The following AUTS2 variants were observed in gnomAD, a reference collection of about 807,000 sequenced individuals.
The protein encoded by AUTS2 is autism susceptibility gene 2 protein.
AUTS2 carries 17 observed loss-of-function variants against 112.4 expected under a neutral mutation model. The observed-to-expected ratio is 0.15, with a 90% CI of 0.10 to 0.23. The LOEUF (loss-of-function observed/expected upper bound fraction) is 0.23, where lower values mean the gene tolerates loss of function less well. Among genes scored for constraint, AUTS2 ranks in the 10% least tolerant of loss-of-function variants. The pLI, the probability that AUTS2 is intolerant of heterozygous loss-of-function variation, is 1.00. For missense variants in AUTS2, 1,510 were observed against 1,701.6 expected, an observed-to-expected ratio of 0.89 and a Z score of 1.98; for synonymous variants, 751 against 702.7, an observed-to-expected ratio of 1.07 and a Z score of -1.09.
At chr7:70,148,923 T>C (rs892866951) in intron 4 of AUTS2, among the ~76,000 whole-genome samples, 2 of 152,098 alleles carry the variant, frequency 1.3e-5, no homozygotes, top group African/African-American at 4.8e-5. Context: ...AATGAGCTCA[T>C]AGAAACTATG....
At chr7:70,192,426 C>T (rs1584860380) in intron 4 of AUTS2, among the ~76,000 whole-genome samples, 3 of 152,134 alleles carry the variant, frequency 2.0e-5, no homozygotes, top group Admixed American at 1.3e-4. Flanking sequence ...GAAAGTTTTA[C>T]GGTTTTCCTT....
chr7:70,575,607 C>T (rs1194578899), intron 5 of AUTS2, among the ~76,000 whole-genome samples: 2 of 152,188 alleles, frequency 1.3e-5, no homozygotes, highest in African/African-American at 4.8e-5. Flanking sequence ...CATTCACATG[C>T]ATTCTTTTTG....
chr7:69,708,554 T>C (rs1798167738), intron 1 of AUTS2, among the ~76,000 whole-genome samples: 1 of 152,328 alleles, frequency 6.6e-6, no homozygotes, highest in African/African-American at 2.4e-5. Flanking sequence ...CTCTCATGCA[T>C]GCAAGTGCTA....
chr7:70,041,941 A>C (rs1179771634), intron 2 of AUTS2, among the ~76,000 whole-genome samples: 1 of 152,196 alleles, frequency 6.6e-6, no homozygotes, highest in Non-Finnish European at 1.5e-5. Context: ...GGATTCTCCA[A>C]ATAACTGGAT....
chr7:70,435,460 G>A (rs904566437), intron 4 of AUTS2, among the ~76,000 whole-genome samples: 5 of 152,164 alleles, frequency 3.3e-5, no homozygotes, highest in Admixed American at 6.5e-5. Flanking sequence ...GGAGGGAAGC[G>A]CTCACTTGTG....
intron 2 of AUTS2, among the ~76,000 whole-genome samples, chr7:70,029,326 A>T (rs1444020388): frequency 7.2e-6 from 1 of 138,052 alleles, no homozygotes; most frequent in African/African-American, 2.7e-5. Flanking sequence ...CGATGTGGTA[A>T]TTTTTTCTGT....
intron 2 of AUTS2, among the ~76,000 whole-genome samples, chr7:70,042,199 A>G (rs1483279263): frequency 7.0e-6 from 1 of 143,758 alleles, no homozygotes; most frequent in Non-Finnish European, 1.5e-5. Context: ...AAAAAAATTG[A>G]GCATAAATTA....
At chr7:69,738,353 A>G (rs969257190) in intron 1 of AUTS2, among the ~76,000 whole-genome samples, 1 of 152,018 alleles carries the variant, frequency 6.6e-6, no homozygotes, top group African/African-American at 2.4e-5. Flanking sequence ...ATGTGAATTA[A>G]TTTGTTTACT....
chr7:70,419,345 A>G (rs1795117005), intron 4 of AUTS2, among the ~76,000 whole-genome samples: 1 of 149,952 alleles, frequency 6.7e-6, no homozygotes, highest in African/African-American at 2.5e-5. Flanking sequence ...TCTTCCTCTT[A>G]TAGATTTATG....
chr7:69,635,287 G>A (rs890956892), intron 1 of AUTS2, among the ~76,000 whole-genome samples: 7 of 152,320 alleles, frequency 4.6e-5, no homozygotes, highest in Non-Finnish European at 8.8e-5. Flanking sequence ...CATAAGGAAA[G>A]ATGTTCATGC....
chr7:70,785,971 G>T lies in AUTS2; in HGVS notation c.2241G>T (p.Pro747=). Reference sequence around the variant, plus strand: ...TGTTTGCAGAGCCTTTTAATCGGCCGTCTACATTCACAGGCCTAGCAGCAG... The same window carrying T: ...TGTTTGCAGAGCCTTTTAATCGGCCTTCTACATTCACAGGCCTAGCAGCAG... ...PAAHLEPFNR[P]STFTGLAAVG... The change falls in exon 17 of 19, where the codon CCG becomes CCT. Residue 747 remains proline (P), a synonymous_variant. Transcript: ENST00000342771. 6.2e-7 allele frequency: 1 copy of T among 1,613,974 alleles called. No homozygotes were observed. The highest frequency in any genetic ancestry group is 8.5e-7 in the Non-Finnish European group (1 of 1,179,958).
At chr7:69,600,567 G>T (rs1792339477) in intron 1 of AUTS2, among the ~76,000 whole-genome samples, 1 of 137,042 alleles carries the variant, frequency 7.3e-6, no homozygotes, top group Non-Finnish European at 1.6e-5. Context: ...TGGTGAAGCT[G>T]GGGAAGGGGG....
At chr7:70,440,701 C>T (rs1796090272) in intron 5 of AUTS2, among the ~76,000 whole-genome samples, 1 of 152,176 alleles carries the variant, frequency 6.6e-6, no homozygotes. Context: ...TCTTTTTAAA[C>T]CCCTTATCCA....
chr7:70,298,840 T>A lies in AUTS2; in HGVS notation c.661-136912T>A, dbSNP rs941780661. ...ATTAAAATAAATGATAGGCTGACCT[T>A]CTCACACCACTTGTGGTTTCTCAAT... On this transcript the variant is annotated intron_variant, in intron 4 of 18. Coordinates refer to ENST00000342771, the MANE Select transcript of AUTS2 (RefSeq NM_015570.4). 2.0e-5 allele frequency among the ~76,000 whole-genome samples: 3 copies of A among 152,276 alleles called. No homozygotes were observed. In the East Asian group the frequency reaches 5.8e-4, roughly 29 times the overall value.
chr7:69,733,996 C>T (rs575939514), intron 1 of AUTS2, among the ~76,000 whole-genome samples: 4 of 152,110 alleles, frequency 2.6e-5, no homozygotes, highest in Non-Finnish European at 4.4e-5. Flanking sequence ...TCATTACCAC[C>T]GAGGATTTAT....
intron 5 of AUTS2, among the ~76,000 whole-genome samples, chr7:70,657,522 C>T (rs1806835748): frequency 2.6e-5 from 4 of 152,188 alleles, no homozygotes; most frequent in Admixed American, 2.0e-4. Context: ...AGCTAAGCAG[C>T]TGGATAACTG....
chr7:69,793,501 G>A (rs934154493), intron 1 of AUTS2, among the ~76,000 whole-genome samples: 5 of 152,122 alleles, frequency 3.3e-5, no homozygotes, highest in Non-Finnish European at 7.3e-5. Context: ...TGACATGATC[G>A]TGTCTTTGAA....
intron 1 of AUTS2, among the ~76,000 whole-genome samples, chr7:69,753,685 G>T (rs1787833253): frequency 6.6e-6 from 1 of 152,198 alleles, no homozygotes; most frequent in African/African-American, 2.4e-5. Flanking sequence ...TGACAACAGT[G>T]CTTATCCAAA....
chr7:69,634,919 A>T (rs1794446476), intron 1 of AUTS2, among the ~76,000 whole-genome samples: 1 of 152,170 alleles, frequency 6.6e-6, no homozygotes, highest in Admixed American at 6.5e-5. Context: ...CCTCCCAAAG[A>T]GACTATGAGT....
Sources: gnomAD v4.1 joint callset for allele counts (sites outside exome capture counted in the v4.1 genomes callset) on GRCh38, gnomAD v4.1.1 for gene constraint, MANE v1.5 for transcripts, NCBI Gene and HGNC (gene_info 2026-07-23, HGNC 2026-07-21) for gene names.